The following PRMT8 variants were observed in gnomAD, a reference collection of about 807,000 sequenced individuals.
The protein encoded by PRMT8 is protein arginine N-methyltransferase 8.
A neutral mutation model predicts 47.1 loss-of-function variants in PRMT8; 7 were observed. That is an observed-to-expected ratio of 0.15 (90% CI 0.08 to 0.28). The LOEUF is 0.28. PRMT8 is among the 10% of genes least tolerant of loss of function. PRMT8 has a pLI of 1.00. For missense variants in PRMT8, 237 were observed against 505.4 expected (o/e 0.47, Z 5.09); for synonymous variants, 188 against 186.5 (o/e 1.01, Z -0.07).
rs1866540198 is a variant in PRMT8 at position 3,557,030 on chromosome 12, A to C, written c.481+3316A>C. ...GGGAAGCCCTTGTTTTGCTGCTTTC[A>C]TTTGCTTAGTGAAGAATGAGACAGT... On this transcript the variant is annotated intron_variant, in intron 4 of 9. Transcript: ENST00000382622. This position sits in a 1 kb window ranked among gnomAD's most constrained non-coding sequence, Gnocchi z 4.7. Among the ~76,000 whole-genome samples, 1 of 152,158 alleles carries C rather than the reference A, an allele frequency of 6.6e-6. No homozygotes were observed. The highest frequency in any genetic ancestry group is 1.5e-5 in the Non-Finnish European group (1 of 68,024).
chr12:3,397,754 C>T (rs1028104772), intron 1 of PRMT8, among the ~76,000 whole-genome samples: 27 of 152,064 alleles, frequency 1.8e-4, no homozygotes, highest in African/African-American at 2.9e-4. Context: ...TCGTGCTTCC[C>T]GGCTGCTTTG....
chr12:3,575,173 G>A (rs747377855), intron 6 of PRMT8, among the ~76,000 whole-genome samples: 8 of 152,082 alleles, frequency 5.3e-5, no homozygotes, highest in Non-Finnish European at 7.4e-5. Context: ...CCTTCTTTTC[G>A]CAAGAAAGAA....
At chr12:3,469,265 C>T in intron 1 of PRMT8, 1 of 432,776 alleles carries the variant, frequency 2.3e-6, no homozygotes, top group South Asian at 1.9e-5. Flanking sequence ...CCTTCACGTG[C>T]TGCCTCACGA....
At chr12:3,592,004 G>A (rs755872264) in intron 8 of PRMT8, among the ~76,000 whole-genome samples, 1 of 152,084 alleles carries the variant, frequency 6.6e-6, no homozygotes, top group Non-Finnish European at 1.5e-5. Context: ...TGAGGAGATG[G>A]GGATGTGATG....
intron 4 of PRMT8, among the ~76,000 whole-genome samples, 169 bp downstream of exon 4, chr12:3,553,883 C>T (rs578230379): frequency 1.3e-5 from 2 of 152,318 alleles, no homozygotes; most frequent in African/African-American, 4.8e-5. Flanking sequence ...CTGATGTTCC[C>T]CCCGACACCA....
chr12:3,549,371 T>C (rs993568526), intron 2 of PRMT8, among the ~76,000 whole-genome samples: 1 of 152,200 alleles, frequency 6.6e-6, no homozygotes, highest in Non-Finnish European at 1.5e-5. Context: ...TGGCCAAAGA[T>C]CCCTACCTCA....
intron 8 of PRMT8, among the ~76,000 whole-genome samples, chr12:3,587,433 G>A (rs1369778821): frequency 6.6e-6 from 1 of 151,614 alleles, no homozygotes; most frequent in African/African-American, 2.4e-5. Context: ...GAAAGACATG[G>A]TAATAACTGT....
intron 4 of PRMT8, among the ~76,000 whole-genome samples, chr12:3,563,775 C>T (rs988272589): frequency 2.0e-5 from 3 of 152,050 alleles, no homozygotes; most frequent in African/African-American, 4.8e-5. Flanking sequence ...ACTCCTTAGG[C>T]AAAAATAATA....
At chr12:3,586,879 C>T (rs961219034) in intron 8 of PRMT8, among the ~76,000 whole-genome samples, 5 of 152,258 alleles carry the variant, frequency 3.3e-5, no homozygotes, top group Non-Finnish European at 5.9e-5. Flanking sequence ...CTTCTTGGCA[C>T]ATGCCTATAT....
In PRMT8 at chr12:3,535,067, T is replaced by C. The variant is rs1259932631; in HGVS notation, c.76-5539T>C. On this transcript the variant is annotated intron_variant, in intron 1 of 9. Transcript: ENST00000382622. This position sits in a 1 kb window ranked among gnomAD's most constrained non-coding sequence, Gnocchi z 4.7. ...TCATCACCATCATCATCCTCTGCCA[T>C]CTACCTGCATTTTCAAGGGATGTGG... is the stretch of plus-strand genomic sequence containing the variant. 6.6e-6 allele frequency among the ~76,000 whole-genome samples: 1 copy of C among 152,232 alleles called. No homozygotes were observed. The highest frequency in any genetic ancestry group is 1.5e-5 in the Non-Finnish European group (1 of 68,050).
In PRMT8 at chr12:3,549,918, CT is replaced by C; in HGVS notation, c.262-14del. The C allele has an allele frequency of 6.2e-7, 1 of 1,611,710 alleles. No homozygotes were observed. ...TCTTGAATTCACTGACATTTCCTTT[CT>C]TTTCCCTCCATCACAGGAAATGCTG... On this transcript the variant is annotated splice_polypyrimidine_tract_variant and intron_variant, in intron 2 of 9. Coordinates refer to ENST00000382622, the MANE Select transcript of PRMT8 (RefSeq NM_019854.5).
At chr12:3,403,411 G>T (rs918444549) in intron 1 of PRMT8, among the ~76,000 whole-genome samples, 1 of 151,316 alleles carries the variant, frequency 6.6e-6, no homozygotes, top group African/African-American at 2.4e-5. Context: ...AAACCACCAG[G>T]GCACACGTTT....
intron 1 of PRMT8, chr12:3,463,455 T>C (rs751610910): frequency 3.3e-4 from 51 of 152,338 alleles, no homozygotes; most frequent in African/African-American, 1.2e-3. Flanking sequence ...AAAACTCTAG[T>C]GGAGGTTCAC....
intron 2 of PRMT8, among the ~76,000 whole-genome samples, chr12:3,544,401 G>A (rs1866289375): frequency 6.6e-6 from 1 of 152,226 alleles, no homozygotes; most frequent in African/African-American, 2.4e-5. Context: ...GAACTAAAGG[G>A]TGACCACTGG....
At chr12:3,590,383 T>C (rs1010723978) in intron 8 of PRMT8, among the ~76,000 whole-genome samples, 2 of 152,188 alleles carry the variant, frequency 1.3e-5, no homozygotes, top group Admixed American at 6.5e-5. Flanking sequence ...AGTCAGTGCA[T>C]GATCAAGCCC....
chr12:3,402,356 C>A (rs758322190), intron 1 of PRMT8, among the ~76,000 whole-genome samples: 2 of 152,092 alleles, frequency 1.3e-5, no homozygotes. Flanking sequence ...AATGTAAAAC[C>A]CAAAACTATG....
At chr12:3,476,504 T>C (rs1865216562) in intron 1 of PRMT8, among the ~76,000 whole-genome samples, 1 of 152,190 alleles carries the variant, frequency 6.6e-6, no homozygotes, top group African/African-American at 2.4e-5. Flanking sequence ...ACAGGTGCTC[T>C]AGGCCTTTCA....
intron 1 of PRMT8, among the ~76,000 whole-genome samples, chr12:3,400,358 C>G (rs1003439016): frequency 1.3e-5 from 2 of 152,144 alleles, no homozygotes; most frequent in African/African-American, 2.4e-5. Flanking sequence ...GAAATACAAA[C>G]AACCATCAGA....
At chr12:3,577,677 G>A (rs1866973044) in intron 7 of PRMT8, among the ~76,000 whole-genome samples, 2 of 122,648 alleles carry the variant, frequency 1.6e-5, no homozygotes, top group Admixed American at 1.8e-4. Context: ...TTTTTTGTGG[G>A]ATTTTTTTTT....
Sources: gnomAD v4.1 joint callset for allele counts (sites outside exome capture counted in the v4.1 genomes callset) on GRCh38, gnomAD v4.1.1 for gene constraint, Gnocchi (gnomAD v3.1) non-coding constraint, MANE v1.5 for transcripts, NCBI Gene and HGNC (gene_info 2026-07-23, HGNC 2026-07-21) for gene names.